The following SHLD1 variants were observed in gnomAD, a reference collection of about 807,000 sequenced individuals.
SHLD1 encodes the protein shieldin complex subunit 1.
In SHLD1, 3 loss-of-function variants were observed where a neutral mutation model predicts 5.5. That is an observed-to-expected ratio of 0.54 (90% confidence interval 0.25 to 1.40). SHLD1 has a LOEUF of 1.40. SHLD1 is among the 40% of genes most tolerant of loss of function. The pLI, the probability that SHLD1 is intolerant of heterozygous loss-of-function variation, is 0.15. For synonymous variants in SHLD1, 92 were observed against 94.3 expected (o/e 0.98, Z 0.14); for missense variants, 210 against 244.4 (o/e 0.86, Z 0.94).
chr20:5,819,511 T>C (rs913552385), intron 2 of SHLD1, among the ~76,000 whole-genome samples: 5 of 152,248 alleles, frequency 3.3e-5, no homozygotes, highest in Admixed American at 2.0e-4. Flanking sequence ...ATTGTCATGT[T>C]GGCTGTTGTC....
intron 2 of SHLD1, among the ~76,000 whole-genome samples, chr20:5,828,453 T>C (rs748418602): frequency 2.0e-5 from 3 of 152,090 alleles, no homozygotes; most frequent in Non-Finnish European, 4.4e-5. Context: ...GAAGTTCCTT[T>C]CCATGCCCCT....
At chr20:5,845,593 C>T (rs2087923561) in intron 2 of SHLD1, among the ~76,000 whole-genome samples, 2 of 152,200 alleles carry the variant, frequency 1.3e-5, no homozygotes, top group African/African-American at 4.8e-5. Flanking sequence ...GTTAGAATAC[C>T]TTTGCGAAAA....
intron 2 of SHLD1, among the ~76,000 whole-genome samples, chr20:5,848,973 A>T (rs970457129): frequency 6.6e-6 from 1 of 152,322 alleles, no homozygotes; most frequent in Non-Finnish European, 1.5e-5. Flanking sequence ...AAAGCACCTG[A>T]CCAAACCATC....
Position 5,809,461 on chromosome 20 carries a change from G to A in SHLD1, c.178+36418G>A, listed in dbSNP as rs138515984. Among the ~76,000 whole-genome samples the A allele has an allele frequency of 1.7e-3, 258 of 152,138 alleles. 2 individuals are homozygous for A. The highest frequency in any genetic ancestry group is 6.8e-3 in the South Asian group (33 of 4,828). On this transcript the variant is annotated intron_variant, in intron 2 of 2. Coordinates refer to ENST00000303142, the MANE Select transcript of SHLD1 (RefSeq NM_152504.4). ...GGAAAAGCCGGCTGCCTCCCCTGAAGTGGGTCCCCAGTTCTGTAGTCCAGC... is the reference window on the plus strand; with the variant it reads ...GGAAAAGCCGGCTGCCTCCCCTGAAATGGGTCCCCAGTTCTGTAGTCCAGC...
At chr20:5,814,096 G>A (rs1401427818) in intron 2 of SHLD1, among the ~76,000 whole-genome samples, 1 of 151,752 alleles carries the variant, frequency 6.6e-6, no homozygotes, top group African/African-American at 2.4e-5. Context: ...GGGACTACAG[G>A]CGTGTGCCAC....
intron 2 of SHLD1, among the ~76,000 whole-genome samples, chr20:5,779,878 GA>G (rs1434314142): frequency 6.6e-6 from 1 of 151,532 alleles, no homozygotes; most frequent in Non-Finnish European, 1.5e-5. Context: ...GTCTAAGGGT[GA>G]ACTTGGGACC....
intron 2 of SHLD1, among the ~76,000 whole-genome samples, chr20:5,814,330 GT>G (rs1216184024): frequency 2.0e-5 from 3 of 152,070 alleles, no homozygotes; most frequent in Admixed American, 6.5e-5. Context: ...CTTTGAAAGT[GT>G]TAAATATTTA....
intron 2 of SHLD1, among the ~76,000 whole-genome samples, chr20:5,842,349 G>A (rs534965907): frequency 3.3e-5 from 5 of 152,268 alleles, no homozygotes; most frequent in African/African-American, 1.2e-4. Context: ...GGATATAAGG[G>A]CAATCTGGGT....
At chr20:5,821,252 C>T (rs2087602521) in intron 2 of SHLD1, among the ~76,000 whole-genome samples, 2 of 151,934 alleles carry the variant, frequency 1.3e-5, no homozygotes, top group Admixed American at 6.6e-5. Context: ...GTGGCTCACG[C>T]CTATAATCCC....
chr20:5,810,756 A>T (rs754117372), intron 2 of SHLD1, among the ~76,000 whole-genome samples: 4 of 151,998 alleles, frequency 2.6e-5, no homozygotes, highest in Non-Finnish European at 5.9e-5. Context: ...TTAGCCAGGC[A>T]TGGTGGTGCA....
chr20:5,829,268 A>G (rs1349796711), intron 2 of SHLD1, among the ~76,000 whole-genome samples: 1 of 152,266 alleles, frequency 6.6e-6, no homozygotes, highest in African/African-American at 2.4e-5. Flanking sequence ...TTTTGGAAAC[A>G]GAAAGTAGCA....
rs570741217 is a variant in SHLD1, at chr20:5,785,733, T to A, written c.178+12690T>A. On this transcript the variant is annotated intron_variant, in intron 2 of 2. Coordinates refer to ENST00000303142, the MANE Select transcript of SHLD1 (RefSeq NM_152504.4). ...ATTGCTTGAACCCGGGAGACAGAGGTTGCAGTGAGCCGAGACTGTGCCACT... is the reference window on the plus strand; with the variant it reads ...ATTGCTTGAACCCGGGAGACAGAGGATGCAGTGAGCCGAGACTGTGCCACT... Among the ~76,000 whole-genome samples the A allele has an allele frequency of 4.0e-5, 6 of 150,446 alleles. No individual in the cohort carries two copies. In the East Asian group the frequency reaches 5.9e-4, roughly 15 times the overall value.
chr20:5,850,927 A>G (rs758936622), intron 2 of SHLD1, among the ~76,000 whole-genome samples: 4 of 152,186 alleles, frequency 2.6e-5, no homozygotes, highest in African/African-American at 4.8e-5. Context: ...ATTATTGAGT[A>G]TGAAAGGGAG....
chr20:5,753,852 C>T (rs1983901631), intron 1 of SHLD1, among the ~76,000 whole-genome samples: 1 of 152,180 alleles, frequency 6.6e-6, no homozygotes, highest in Non-Finnish European at 1.5e-5. Flanking sequence ...TCATCTTGCC[C>T]CAAATGGGGG....
chr20:5,764,178 T>TTA (rs1304138778), intron 1 of SHLD1, among the ~76,000 whole-genome samples: 2,780 of 76,816 alleles, frequency 0.036, 79 homozygotes, highest in African/African-American at 0.066. Context: ...ATATATATTT[T>TTA]TATATATATA....
intron 1 of SHLD1, among the ~76,000 whole-genome samples, chr20:5,754,692 G>A (rs1391627178): frequency 6.6e-6 from 1 of 152,172 alleles, no homozygotes; most frequent in Non-Finnish European, 1.5e-5. Flanking sequence ...GAGGGTTTCA[G>A]GTCATAGGTG....
intron 2 of SHLD1, among the ~76,000 whole-genome samples, chr20:5,775,940 T>TTTTTTTTTTTTG (rs1985407723): frequency 7.3e-6 from 1 of 136,938 alleles, no homozygotes; most frequent in African/African-American, 3.0e-5. Flanking sequence ...TTTTTTTTTT[T>TTTTTTTTTTTTG]TTTTTGAGAT....
intron 2 of SHLD1, among the ~76,000 whole-genome samples, chr20:5,788,190 GT>G (rs72054858): frequency 2.9e-3 from 438 of 152,086 alleles, no homozygotes; most frequent in African/African-American, 9.9e-3. Flanking sequence ...AGTATGTGAG[GT>G]TTTTTTCCTT....
At chr20:5,851,454 C>G (rs111432887) in intron 2 of SHLD1, among the ~76,000 whole-genome samples, 4,096 of 151,150 alleles carry the variant, frequency 0.027, 197 homozygotes, top group African/African-American at 0.095. Context: ...TCATGCCACT[C>G]TGCTCTAGCT....
Sources: allele counts gnomAD v4.1 joint callset (sites outside exome capture counted in the v4.1 genomes callset), GRCh38; gene constraint gnomAD v4.1.1; transcripts MANE v1.5; gene names NCBI Gene and HGNC (gene_info 2026-07-23, HGNC 2026-07-21).